RELL1: variants seen among roughly 807,000 people sequenced by gnomAD.
The protein encoded by RELL1 is RELT like 1, also known as RELT-like protein 1.
RELL1 carries 10 observed loss-of-function variants against 23.0 expected under a neutral mutation model. The observed-to-expected ratio is 0.43, with a 90% CI of 0.27 to 0.74. RELL1 has a LOEUF of 0.74. Among genes scored for constraint, RELL1 ranks in the 30% least tolerant of loss-of-function variants. The pLI, the probability that RELL1 is intolerant of heterozygous loss-of-function variation, is 0.19. For missense variants in RELL1, 315 were observed against 364.4 expected, an observed-to-expected ratio of 0.86 and a Z score of 1.10; for synonymous variants, 146 against 146.8, an observed-to-expected ratio of 0.99 and a Z score of 0.04.
rs761491106 is a variant in RELL1 at position 37,686,210 on chromosome 4, C to T, written c.78G>A (p.Leu26=). The change falls in exon 1 of 7, where the codon CTG becomes CTA. Residue 26 remains leucine (L), a synonymous_variant. Coordinates refer to ENST00000454158, the MANE Select transcript of RELL1 (RefSeq NM_001085400.2). ...CGACCGGACACTCACCCGGAGCCAC[C>T]AGCGGCGAACTCACGGCGCCTCCCA... ...VFVGGAVSSP[L]VAPDNGSSRT... 1.3e-6 allele frequency: 2 copies of T among 1,580,862 alleles called. No individual in the cohort carries two copies. Among genetic ancestry groups the T allele is most frequent in the South Asian group, 2.3e-5 (2 of 88,854 alleles).
intron 1 of RELL1, among the ~76,000 whole-genome samples, chr4:37,670,575 C>CT (rs760432733): frequency 0.1 from 15,165 of 145,076 alleles, 1,631 homozygotes; most frequent in African/African-American, 0.28. Flanking sequence ...CCCACTAAAT[C>CT]TTTTTTTTTT....
intron 6 of RELL1, among the ~76,000 whole-genome samples, chr4:37,605,218 C>A (rs1346403898): frequency 6.6e-6 from 1 of 152,040 alleles, no homozygotes. Context: ...ACAAAAAATA[C>A]ATAAAGATGT....
intron 5 of RELL1, among the ~76,000 whole-genome samples, chr4:37,633,996 A>G (rs1190918672): frequency 6.6e-6 from 1 of 152,162 alleles, no homozygotes; most frequent in Non-Finnish European, 1.5e-5. Context: ...ACCCGGTCTC[A>G]CTCCAGCATG....
intron 4 of RELL1, among the ~76,000 whole-genome samples, chr4:37,637,820 T>A (rs560860839): frequency 2.6e-5 from 4 of 152,348 alleles, no homozygotes; most frequent in African/African-American, 9.6e-5. Context: ...TCAACAACCA[T>A]AACCTAAAAT....
At chr4:37,598,655 A>T (rs1354272367) in intron 6 of RELL1, among the ~76,000 whole-genome samples, 1 of 152,060 alleles carries the variant, frequency 6.6e-6, no homozygotes, top group Admixed American at 6.6e-5. Context: ...ACAGTGGCAG[A>T]ATCTCAACTG....
chr4:37,654,859 A>G (rs911727326), intron 1 of RELL1, among the ~76,000 whole-genome samples: 6 of 152,344 alleles, frequency 3.9e-5, no homozygotes, highest in Middle Eastern at 3.4e-3. Context: ...TGATCCAACT[A>G]GTTTTTTTAA....
chr4:37,676,732 C>T (rs1272651437), intron 1 of RELL1, among the ~76,000 whole-genome samples: 1 of 152,208 alleles, frequency 6.6e-6, no homozygotes, highest in Non-Finnish European at 1.5e-5. Flanking sequence ...GGGAGGCTTA[C>T]ATCTAAGATT....
chr4:37,615,038 G>T (rs912639229), intron 6 of RELL1, among the ~76,000 whole-genome samples: 2 of 152,276 alleles, frequency 1.3e-5, no homozygotes, highest in East Asian at 3.9e-4. Context: ...AACCGTGGCT[G>T]TTTCTGTAGC....
At chr4:37,603,679 G>C (rs1430780015) in intron 6 of RELL1, among the ~76,000 whole-genome samples, 2 of 152,166 alleles carry the variant, frequency 1.3e-5, no homozygotes, top group African/African-American at 4.8e-5. Context: ...CAAGACCATG[G>C]GCAGGCCCCC....
intron 1 of RELL1, among the ~76,000 whole-genome samples, chr4:37,659,079 C>T (rs1390045023): frequency 1.3e-5 from 2 of 152,208 alleles, no homozygotes; most frequent in Non-Finnish European, 2.9e-5. Flanking sequence ...GAGTCTTTTG[C>T]ACACAGCAAG....
At chr4:37,655,898 C>A (rs112032229) in intron 1 of RELL1, among the ~76,000 whole-genome samples, 1 of 152,172 alleles carries the variant, frequency 6.6e-6, no homozygotes, top group Non-Finnish European at 1.5e-5. Flanking sequence ...AACTAAAATA[C>A]GAAGGAACTG....
chr4:37,668,868 G>A (rs1453716462), intron 1 of RELL1, among the ~76,000 whole-genome samples: 1 of 145,616 alleles, frequency 6.9e-6, no homozygotes, highest in African/African-American at 2.7e-5. Flanking sequence ...CTGCCCTGTC[G>A]CCTCGTCCGG....
At chr4:37,637,986 T>C (rs901237979) in intron 4 of RELL1, among the ~76,000 whole-genome samples, 1 of 152,196 alleles carries the variant, frequency 6.6e-6, no homozygotes, top group African/African-American at 2.4e-5. Context: ...TTATAGATGA[T>C]GGAACTCAGG....
intron 6 of RELL1, among the ~76,000 whole-genome samples, chr4:37,605,216 T>C (rs1719158103): frequency 1.3e-5 from 2 of 152,104 alleles, no homozygotes; most frequent in South Asian, 4.1e-4. Flanking sequence ...ATACAAAAAA[T>C]ACATAAAGAT....
intron 1 of RELL1, among the ~76,000 whole-genome samples, chr4:37,685,466 T>C (rs544462951): frequency 6.6e-6 from 1 of 152,296 alleles, no homozygotes; most frequent in Non-Finnish European, 1.5e-5. Context: ...CACCTCCTCT[T>C]AAGATTGATT....
chr4:37,673,400 C>T (rs903347892), intron 1 of RELL1, among the ~76,000 whole-genome samples: 1 of 151,820 alleles, frequency 6.6e-6, no homozygotes, highest in African/African-American at 2.4e-5. Flanking sequence ...CTATGGTTTT[C>T]GGGCTGGTCC....
At chr4:37,624,717 C>A (rs900685956) in intron 6 of RELL1, among the ~76,000 whole-genome samples, 1 of 152,168 alleles carries the variant, frequency 6.6e-6, no homozygotes, top group Non-Finnish European at 1.5e-5. Context: ...GCGTGAGCCA[C>A]CGCGCCCAGC....
rs961337457 is a variant in RELL1, at chr4:37,649,190, C to T, written c.313+86G>A. ...CTGCCACTAAAATGGATCATTCTGC[C>T]TCAGAGAGATGGAAAGCATATATCA... is the stretch of plus-strand genomic sequence containing the variant. On this transcript the variant is annotated intron_variant, in intron 2 of 6. Coordinates refer to ENST00000454158, the MANE Select transcript of RELL1 (RefSeq NM_001085400.2). The T allele has an allele frequency of 3.6e-6, 4 of 1,098,042 alleles. No individual in the cohort carries two copies. In the South Asian group the frequency reaches 5.8e-5, roughly 16 times the overall value. The allele number at this position is 1,098,042 out of a possible 1,614,324, so 68.0% of individuals were successfully genotyped here.
At chr4:37,630,037 G>T (rs1720068657) in intron 6 of RELL1, among the ~76,000 whole-genome samples, 1 of 152,156 alleles carries the variant, frequency 6.6e-6, no homozygotes, top group Non-Finnish European at 1.5e-5. Context: ...GTTAGTGAGT[G>T]GCACACTGGA....
Sources: allele counts gnomAD v4.1 joint callset (sites outside exome capture counted in the v4.1 genomes callset), GRCh38; gene constraint gnomAD v4.1.1; transcripts MANE v1.5; gene names NCBI Gene and HGNC (gene_info 2026-07-23, HGNC 2026-07-21).